The following ZNF595 variants were observed in gnomAD, a reference collection of about 807,000 sequenced individuals.
ZNF595 encodes the protein zinc finger protein 595.
In ZNF595, 9 loss-of-function variants were observed where a neutral mutation model predicts 19.4. That is an observed-to-expected ratio of 0.46 (90% CI 0.28 to 0.81). The LOEUF (loss-of-function observed/expected upper bound fraction) is 0.81, where lower values mean the gene tolerates loss of function less well. ZNF595 is among the 30% of genes least tolerant of loss of function. The pLI, the probability that ZNF595 is intolerant of heterozygous loss-of-function variation, is 0.11. For synonymous variants in ZNF595, 255 were observed against 255.9 expected, an observed-to-expected ratio of 1.00 and a Z score of 0.03; for missense variants, 729 against 736.0, an observed-to-expected ratio of 0.99 and a Z score of 0.11.
intron 3 of ZNF595, among the ~76,000 whole-genome samples, chr4:78,210 G>A (rs915848089): frequency 2.0e-4 from 30 of 152,160 alleles, no homozygotes; most frequent in Admixed American, 7.9e-4. Flanking sequence ...GGGTTTCACC[G>A]TGTTAGCCAG....
intron 3 of ZNF595, among the ~76,000 whole-genome samples, chr4:77,805 G>T (rs1713735617): frequency 6.6e-6 from 1 of 152,132 alleles, no homozygotes; most frequent in Admixed American, 6.5e-5. Context: ...AGATGGGGGT[G>T]CTGATACAAT....
At position 87,082 on chromosome 4, in the gene ZNF595, C is replaced by A; in HGVS notation, c.1578C>A (p.His526Gln). 6.2e-7 allele frequency: 1 copy of A among 1,613,146 alleles called. No homozygotes were observed. The highest frequency in any genetic ancestry group is 2.2e-5 in the East Asian group (1 of 44,824). ...AFNQSSGLII[H>Q]RSIHSEQKLY... The stretch of plus-strand genomic sequence containing the variant: ...ACCAATCCTCAGGCCTTATTATACA[C>A]AGGAGCATTCATTCTGAACAAAAAC... Residue 526 changes from histidine (H) to glutamine (Q), a missense_variant, in exon 4 of 4, where the codon CAC becomes CAA. By Grantham distance (24) the His-to-Gln change is conservative. Transcript: ENST00000610261.
At chr4:78,720 T>C (rs1288319369) in intron 3 of ZNF595, among the ~76,000 whole-genome samples, 1 of 152,244 alleles carries the variant, frequency 6.6e-6, no homozygotes, top group Non-Finnish European at 1.5e-5. Flanking sequence ...ACATTTTCTT[T>C]CTTTCTTTCT....
At chr4:69,210 A>G (rs1365376469) in intron 3 of ZNF595, among the ~76,000 whole-genome samples, 1 of 152,230 alleles carries the variant, frequency 6.6e-6, no homozygotes, top group Admixed American at 6.5e-5. Flanking sequence ...CTGCTGCAAT[A>G]AAATGGAGGT....
chr4:64,311 GA>G (rs1204209993), intron 3 of ZNF595, among the ~76,000 whole-genome samples: 24 of 152,060 alleles, frequency 1.6e-4, no homozygotes, highest in African/African-American at 5.5e-4. Flanking sequence ...TCTAGCCTCT[GA>G]AAGTGTGCAG....
intron 3 of ZNF595, among the ~76,000 whole-genome samples, chr4:84,360 A>G (rs1714046953): frequency 1.3e-5 from 2 of 152,196 alleles, no homozygotes; most frequent in Non-Finnish European, 2.9e-5. Context: ...TCAGTGGAAG[A>G]TACTTTCTTC....
At chr4:80,724 A>G (rs1455381842) in intron 3 of ZNF595, among the ~76,000 whole-genome samples, 1 of 152,152 alleles carries the variant, frequency 6.6e-6, no homozygotes, top group African/African-American at 2.4e-5. Flanking sequence ...TCACAAGGTA[A>G]TGTCATCAGT....
At chr4:78,938 T>A (rs1553799298) in intron 3 of ZNF595, among the ~76,000 whole-genome samples, 1 of 152,108 alleles carries the variant, frequency 6.6e-6, no homozygotes, top group Non-Finnish European at 1.5e-5. Flanking sequence ...GGTAATCCAC[T>A]CGCCTCGGCC....
At chr4:57,473 C>A (rs1315910666) in intron 1 of ZNF595, among the ~76,000 whole-genome samples, 1 of 152,224 alleles carries the variant, frequency 6.6e-6, no homozygotes, top group East Asian at 1.9e-4. Flanking sequence ...ATGGGGGCAT[C>A]AGCCCAGGGT....
intron 3 of ZNF595, among the ~76,000 whole-genome samples, chr4:65,244 T>G (rs1581329749): frequency 5.6e-5 from 8 of 143,520 alleles, no homozygotes; most frequent in South Asian, 2.3e-4. Flanking sequence ...CAAATAACCC[T>G]TTTTGATCTT....
chr4:86,798 G>A lies in ZNF595; in HGVS notation c.1294G>A (p.Ala432Thr). Residue 432 changes from alanine to threonine, a missense_variant, in exon 4 of 4, where the codon GCT (alanine) becomes ACT (threonine). By Grantham distance (58) the Ala-to-Thr change is moderately conservative (BLOSUM62 0). Coordinates refer to ENST00000610261, the MANE Select transcript of ZNF595 (RefSeq NM_182524.4). The part of the protein sequence containing the change: ...KPYTCEECGK[A>T]FNQSSTLILH... ...CTACACGTGCGAAGAATGTGGCAAA[G>A]CTTTTAACCAATCCTCAACTCTTAT... The A allele has an allele frequency of 1.2e-6, 2 of 1,613,810 alleles. No homozygotes were observed. The highest frequency in any genetic ancestry group is 1.7e-6 in the Non-Finnish European group (2 of 1,179,892).
chr4:78,989 G>A (rs782256806), intron 3 of ZNF595, among the ~76,000 whole-genome samples: 2 of 152,108 alleles, frequency 1.3e-5, no homozygotes, highest in South Asian at 2.1e-4. Flanking sequence ...CACCACCCCC[G>A]GCCAACATTT....
Position 86,096 on chromosome 4 carries a change from A to C in ZNF595, c.592A>C (p.Lys198Gln). 1 of 1,613,652 alleles carries C rather than the reference A, an allele frequency of 6.2e-7. No homozygotes were observed. The change falls in exon 4 of 4, where the codon AAA becomes CAA. Residue 198 changes from lysine to glutamine, a missense_variant. By Grantham distance (53) the Lys-to-Gln change is moderately conservative (BLOSUM62 1). This residue lies in a region of ZNF595 where 729 missense variants were observed against 675.3 expected (regional missense o/e 1.08). Transcript: ENST00000610261. The part of the protein sequence containing the change: ...TQHTGIHAGE[K>Q]PYKCEKCGKA... ...ACATACAGGAATTCATGCTGGAGAG[A>C]AACCCTACAAATGTGAAAAATGTGG...
At position 86,762 on chromosome 4, in the gene ZNF595, G is replaced by A; in HGVS notation, c.1258G>A (p.Gly420Arg). 14 of 1,613,760 alleles carry A rather than the reference G, an allele frequency of 8.7e-6. No homozygotes were observed. The highest frequency in any genetic ancestry group is 9.3e-6 in the Non-Finnish European group (11 of 1,179,872). Reference sequence around the variant, plus strand: ...TGCTAAACATAAGAGAATTCATACTGGAGAGAAACCCTACACGTGCGAAGA... The same window carrying A: ...TGCTAAACATAAGAGAATTCATACTAGAGAGAAACCCTACACGTGCGAAGA... Reference protein sequence around the residue: ...HLAKHKRIHTGEKPYTCEECG... With the variant: ...HLAKHKRIHTREKPYTCEECG... The change falls in exon 4 of 4, where the codon GGA (glycine) becomes AGA (arginine). Residue 420 changes from glycine (G) to arginine (R), a missense_variant. This residue lies in a region of ZNF595 where 729 missense variants were observed against 675.3 expected (regional missense o/e 1.08). Coordinates refer to ENST00000610261, the MANE Select transcript of ZNF595 (RefSeq NM_182524.4).
At chr4:74,299 A>G (rs1454713351) in intron 3 of ZNF595, among the ~76,000 whole-genome samples, 1 of 152,166 alleles carries the variant, frequency 6.6e-6, no homozygotes, top group East Asian at 1.9e-4. Flanking sequence ...AGAAGAATAT[A>G]AGTTATACTG....
chr4:77,770 CAAAA>C (rs199625636), intron 3 of ZNF595, among the ~76,000 whole-genome samples: 12 of 150,854 alleles, frequency 8.0e-5, no homozygotes, highest in African/African-American at 2.9e-4. Context: ...TGGCCTGAGA[CAAAA>C]AAAAATCCAA....
chr4:73,601 G>A (rs1713520403), intron 3 of ZNF595, among the ~76,000 whole-genome samples: 1 of 152,184 alleles, frequency 6.6e-6, no homozygotes, highest in Non-Finnish European at 1.5e-5. Context: ...CAAAGGATTG[G>A]AGAGACCATA....
Position 80,493 on chromosome 4 carries a change from A to G in ZNF595, c.227-5238A>G, listed in dbSNP as rs1226272432. Among the ~76,000 whole-genome samples the G allele has an allele frequency of 2.0e-5, 3 of 152,222 alleles. No homozygotes were observed. In the East Asian group the frequency reaches 5.8e-4, roughly 29 times the overall value. ...TCATGCGCATCCGTGTGAAAAGACC[A>G]CCAAACGGGCTTTGTGTGAGCAGTA... On this transcript the variant is annotated intron_variant, in intron 3 of 3. Transcript: ENST00000610261.
intron 3 of ZNF595, among the ~76,000 whole-genome samples, chr4:84,979 CTGTT>C (rs1714073132): frequency 6.6e-6 from 1 of 152,070 alleles, no homozygotes; most frequent in Non-Finnish European, 1.5e-5. Flanking sequence ...ATTGTAACAT[CTGTT>C]TGTTATTTGA....
Sources: allele counts gnomAD v4.1 joint callset (sites outside exome capture counted in the v4.1 genomes callset), GRCh38; gene constraint gnomAD v4.1.1; regional missense constraint gnomAD v4.1.1; transcripts MANE v1.5; gene names NCBI Gene and HGNC (gene_info 2026-07-23, HGNC 2026-07-21).